The following NAV1 variants were observed in gnomAD, a reference collection of about 807,000 sequenced individuals.
NAV1 encodes pore membrane and/or filament interacting like protein 3.
Under a neutral mutation model 175.2 loss-of-function variants are expected in NAV1, and 18 were observed. The observed-to-expected ratio is 0.10, with a 90% CI of 0.07 to 0.15. The LOEUF is 0.15. Among genes scored for constraint, NAV1 ranks in the 10% least tolerant of loss-of-function variants. The probability of loss-of-function intolerance (pLI) is 1.00; values close to 1 mark genes in which losing one functional copy is unlikely to be tolerated. For synonymous variants in NAV1, 897 were observed against 978.7 expected (o/e 0.92, Z 1.56); for missense variants, 1,731 against 2,436.6 (o/e 0.71, Z 6.10).
intron 28 of NAV1, among the ~76,000 whole-genome samples, chr1:201,814,369 C>CAA (rs11436961): frequency 2.0e-3 from 289 of 147,622 alleles, no homozygotes; most frequent in Admixed American, 4.7e-3. Context: ...GAACCTGTCT[C>CAA]AAAAAAAAAA....
chr1:201,741,950 G>T (rs1242321246), intron 3 of NAV1, among the ~76,000 whole-genome samples: 2 of 152,152 alleles, frequency 1.3e-5, no homozygotes, highest in African/African-American at 4.8e-5. Flanking sequence ...GTCTGCCATA[G>T]CCCAGGTTGA....
At chr1:201,719,369 ACCAATCATGCAACTTC>A (rs1257646406) in intron 3 of NAV1, 1 of 152,490 alleles carries the variant, frequency 6.6e-6, no homozygotes, top group African/African-American at 2.4e-5. Flanking sequence ...CAAACCTTCT[ACCAATCATGCAACTTC>A]CTAATCCCTA....
At chr1:201,568,711 A>T (rs913274208) in intron 1 of NAV1, among the ~76,000 whole-genome samples, 7 of 152,150 alleles carry the variant, frequency 4.6e-5, no homozygotes, top group African/African-American at 1.4e-4. Flanking sequence ...ATATAATATA[A>T]TATATAAACA....
At chr1:201,767,081 A>C (rs1429312221) in intron 3 of NAV1, among the ~76,000 whole-genome samples, 1 of 151,474 alleles carries the variant, frequency 6.6e-6, no homozygotes, top group Admixed American at 6.6e-5. Flanking sequence ...GCCCTCCCAA[A>C]GTGCTGGGAT....
intron 1 of NAV1, among the ~76,000 whole-genome samples, chr1:201,572,302 T>G (rs889465629): frequency 2.0e-5 from 3 of 152,000 alleles, no homozygotes; most frequent in African/African-American, 7.3e-5. Context: ...AGCAGCATTG[T>G]GTGGTAGGCC....
chr1:201,719,793 T>C (rs2102488299), intron 3 of NAV1, among the ~76,000 whole-genome samples: 2 of 152,246 alleles, frequency 1.3e-5, no homozygotes, highest in South Asian at 4.1e-4. Context: ...TCTCAGGGAC[T>C]TAATATCTTA....
chr1:201,691,517 G>A lies in NAV1; in HGVS notation c.758-21300G>A, dbSNP rs533017729. ...AGTACGTAAACAAACAAATGAATGA[G>A]GAAGGGTTGAACATGCAGAAAATGG... On this transcript the variant is annotated intron_variant, in intron 1 of 29. Transcript: ENST00000367296. Among the ~76,000 whole-genome samples, 3 of 152,280 alleles carry A rather than the reference G, an allele frequency of 2.0e-5. No individual in the cohort carries two copies. The South Asian group carries it at 6.2e-4, about 32-fold the overall frequency.
chr1:201,591,222 T>TC (rs762467011), intron 2 of NAV1, among the ~76,000 whole-genome samples: 36 of 152,066 alleles, frequency 2.4e-4, no homozygotes, highest in Non-Finnish European at 4.1e-4. Flanking sequence ...CCCTAAGGCG[T>TC]CTCTCCAGCT....
intron 2 of NAV1, among the ~76,000 whole-genome samples, chr1:201,594,674 G>A (rs1298856783): frequency 6.6e-6 from 1 of 152,234 alleles, no homozygotes; most frequent in Admixed American, 6.5e-5. Context: ...GTGATACATG[G>A]GTCGTGAGGT....
intron 1 of NAV1, among the ~76,000 whole-genome samples, chr1:201,662,999 C>A (rs1669672672): frequency 6.9e-6 from 1 of 145,726 alleles, no homozygotes; most frequent in African/African-American, 2.5e-5. Context: ...TGCATTCTTG[C>A]TCCCTCTGTT....
exon 15 of NAV1, chr1:201,794,470 C>T: frequency 6.2e-7 from 1 of 1,613,044 alleles, no homozygotes; most frequent in Non-Finnish European, 8.5e-7. Context: ...TCTTAGGACA[C>T]TGAGCTGCTG....
intron 1 of NAV1, among the ~76,000 whole-genome samples, chr1:201,549,027 C>G (rs1337811211): frequency 6.6e-6 from 1 of 152,136 alleles, no homozygotes; most frequent in East Asian, 1.9e-4. Context: ...TGGTGACCAC[C>G]CAAAACAGTA....
At chr1:201,579,476 C>T (rs1003742539) in intron 1 of NAV1, among the ~76,000 whole-genome samples, 3 of 152,162 alleles carry the variant, frequency 2.0e-5, no homozygotes, top group Non-Finnish European at 2.9e-5. Context: ...ATGCCTCAGC[C>T]TCCCGAGTAG....
chr1:201,585,173 T>C (rs1666987849), intron 1 of NAV1, among the ~76,000 whole-genome samples: 1 of 152,188 alleles, frequency 6.6e-6, no homozygotes, highest in South Asian at 2.1e-4. Flanking sequence ...GCTGGATCTA[T>C]TCTGGTTTTA....
Position 201,782,254 on chromosome 1 carries a change from C to T in NAV1, c.1742C>T (p.Ala581Val), listed in dbSNP as rs1443608089. Reference sequence around the variant, plus strand: ...GGGCTCCAACGCTCCTCCTCTGATGCTGGTCGGGACCGCCTGAGTGATGCT... The same window carrying T: ...GGGCTCCAACGCTCCTCCTCTGATGTTGGTCGGGACCGCCTGAGTGATGCT... Residue 581 changes from alanine to valine, a missense_variant, in exon 6 of 30, where the codon GCT becomes GTT. Transcript: ENST00000367296. The surrounding 1 kb of genome is among the most constrained non-coding windows in gnomAD (Gnocchi z 5.4). The T allele has an allele frequency of 6.2e-7, 1 of 1,614,124 alleles. No homozygotes were observed. Among genetic ancestry groups the T allele is most frequent in the African/African-American group, 1.3e-5 (1 of 75,060 alleles).
Position 201,810,618 on chromosome 1 carries a change from C to T in NAV1, c.4657C>T (p.Arg1553Cys), listed in dbSNP as rs748000923. 1.2e-6 allele frequency: 2 copies of T among 1,613,996 alleles called. No homozygotes were observed. Among genetic ancestry groups the T allele is most frequent in the Non-Finnish European group, 1.7e-6 (2 of 1,180,004 alleles). ...CATAAGCCTCCTGCTGAAGCACCGG[C>T]GCCTCGTCCTCTCGGGCCCCAGCGG... The change falls in exon 24 of 30, where the codon CGC (arginine) becomes TGC (cysteine). Residue 1553 changes from arginine (R) to cysteine (C), a missense_variant. Around this residue, in one of 13 missense-constraint regions of NAV1, gnomAD observed 115 missense variants for 269.4 expected, o/e 0.43. Coordinates refer to ENST00000367296, the Ensembl canonical transcript of NAV1. The surrounding 1 kb of genome is among the most constrained non-coding windows in gnomAD (Gnocchi z 6.0).
chr1:201,670,380 CAAAAAAAAAAAAAAA>C (rs58216500), intron 1 of NAV1, among the ~76,000 whole-genome samples: 2 of 12,186 alleles, frequency 1.6e-4, no homozygotes, highest in East Asian at 3.9e-3. Flanking sequence ...GACTCCATCT[CAAAAAAAAAAAAAAA>C]AAAAAAAAAA....
intron 3 of NAV1, among the ~76,000 whole-genome samples, chr1:201,759,199 T>C (rs1324531885): frequency 6.6e-6 from 1 of 152,236 alleles, no homozygotes; most frequent in African/African-American, 2.4e-5. Context: ...TAATGTAAAA[T>C]GCATGCCCTT....
At chr1:201,777,094 A>G (rs1032973395) in intron 3 of NAV1, among the ~76,000 whole-genome samples, 1 of 152,246 alleles carries the variant, frequency 6.6e-6, no homozygotes, top group South Asian at 2.1e-4. Context: ...AGATGGAATA[A>G]AGACATTTTA....
Sources: gnomAD v4.1 joint callset for allele counts (sites outside exome capture counted in the v4.1 genomes callset) on GRCh38, gnomAD v4.1.1 for gene constraint, gnomAD v4.1.1 regional missense constraint, Gnocchi (gnomAD v3.1) non-coding constraint, MANE v1.5 for transcripts, NCBI Gene and HGNC (gene_info 2026-07-23, HGNC 2026-07-21) for gene names.